AFAP1L1: variants seen among roughly 807,000 people sequenced by gnomAD.
The protein encoded by AFAP1L1 is actin filament-associated protein 1-like 1.
In AFAP1L1, 77 loss-of-function variants were observed where a neutral mutation model predicts 99.8. The observed-to-expected ratio is 0.77, with a 90% CI of 0.64 to 0.93. The LOEUF (loss-of-function observed/expected upper bound fraction) is 0.93. Ranked by LOEUF, AFAP1L1 falls within the 40% of genes least tolerant of loss-of-function variation. The probability of loss-of-function intolerance (pLI) is 0.00; values close to 1 mark genes in which losing one functional copy is unlikely to be tolerated. For missense variants in AFAP1L1, 893 were observed against 996.8 expected (o/e 0.90, Z 1.40); for synonymous variants, 373 against 395.3 (o/e 0.94, Z 0.67).
chr5:149,317,374 T>A (rs557282875), intron 11 of AFAP1L1, among the ~76,000 whole-genome samples: 1 of 152,348 alleles, frequency 6.6e-6, no homozygotes, highest in East Asian at 1.9e-4. Flanking sequence ...ATGCTGCCAC[T>A]GGGTGTCAGC....
intron 6 of AFAP1L1, among the ~76,000 whole-genome samples, chr5:149,306,721 G>T (rs780835501): frequency 4.6e-5 from 7 of 152,176 alleles, no homozygotes; most frequent in Non-Finnish European, 1.0e-4. Context: ...TGAAAATAAC[G>T]AGAGACAACA....
At chr5:149,277,640 C>A (rs548929577) in intron 1 of AFAP1L1, among the ~76,000 whole-genome samples, 5 of 152,344 alleles carry the variant, frequency 3.3e-5, no homozygotes, top group Non-Finnish European at 7.3e-5. Context: ...AAACATATGT[C>A]ATGGGTCATC....
chr5:149,291,343 A>G (rs1410524850), intron 1 of AFAP1L1, among the ~76,000 whole-genome samples: 3 of 151,880 alleles, frequency 2.0e-5, no homozygotes, highest in African/African-American at 7.3e-5. Flanking sequence ...CCTGGCCAAC[A>G]TGGTGAAACC....
At position 149,299,609 on chromosome 5, in the gene AFAP1L1, C is replaced by T. The variant is rs112406165; in HGVS notation, c.117C>T (p.Ser39=). The T allele has an allele frequency of 2.5e-6, 4 of 1,614,194 alleles. No homozygotes were observed. The African/African-American group carries it at 4.0e-5, about 16-fold the overall frequency. ...TGGAAAAGAAGATGGCCGTGGCCTCCATCCTGCAGAGCCTGCAGCCCCTTC... is the reference window on the plus strand; with the variant it reads ...TGGAAAAGAAGATGGCCGTGGCCTCTATCCTGCAGAGCCTGCAGCCCCTTC... ...TTLEKKMAVA[S]ILQSLQPLPA... Residue 39 remains serine, a synonymous_variant, in exon 2 of 19, where the codon TCC becomes TCT. Transcript: ENST00000296721.
chr5:149,333,871 T>A lies in AFAP1L1; in HGVS notation c.2154+998T>A, dbSNP rs536561565. Among the ~76,000 whole-genome samples the A allele has an allele frequency of 7.9e-5, 12 of 152,292 alleles. No individual in the cohort carries two copies. In the South Asian group the frequency reaches 2.3e-3, roughly 29 times the overall value. ...TCTAAATTACCAACAGCTGCCTCTATTATTCTTCCTCATAGCACTTAACCA... is the reference window on the plus strand; with the variant it reads ...TCTAAATTACCAACAGCTGCCTCTAATATTCTTCCTCATAGCACTTAACCA... On this transcript the variant is annotated intron_variant, in intron 17 of 18. Transcript: ENST00000296721.
At chr5:149,296,512 C>T (rs550955135) in intron 1 of AFAP1L1, among the ~76,000 whole-genome samples, 1 of 152,200 alleles carries the variant, frequency 6.6e-6, no homozygotes, top group Non-Finnish European at 1.5e-5. Flanking sequence ...CCCAGGCCAC[C>T]TGTGGCTGCC....
At chr5:149,301,792 G>T (rs1327648518) in intron 4 of AFAP1L1, among the ~76,000 whole-genome samples, 1 of 152,236 alleles carries the variant, frequency 6.6e-6, no homozygotes, top group Non-Finnish European at 1.5e-5. Flanking sequence ...TCTGTCAACT[G>T]CATAATTCAT....
intron 1 of AFAP1L1, among the ~76,000 whole-genome samples, chr5:149,273,886 C>G (rs550057235): frequency 6.6e-4 from 101 of 152,192 alleles, no homozygotes; most frequent in African/African-American, 2.4e-3. Context: ...TAGGCCTACC[C>G]AGGCCTGTGG....
rs1757289349 is a variant in AFAP1L1 at position 149,332,703 on chromosome 5, T to C, written c.1984T>C (p.Leu662=). ...AATGTCTCTTGATTCAGGAGCAAAA[T>C]TAAAGGCTCTGGAAGAAGCCGTGGC... is the stretch of plus-strand genomic sequence containing the variant. ...EAIRSSPGAK[L]KALEEAVATL... is the part of the protein sequence containing the mutation. Residue 662 remains leucine, a synonymous_variant, in exon 17 of 19, where the codon TTA becomes CTA. Coordinates refer to ENST00000296721, the MANE Select transcript of AFAP1L1 (RefSeq NM_152406.4). The C allele has an allele frequency of 6.2e-7, 1 of 1,609,272 alleles. No individual in the cohort carries two copies. The highest frequency in any genetic ancestry group is 8.5e-7 in the Non-Finnish European group (1 of 1,178,834).
At chr5:149,281,143 G>GT (rs1446953765) in intron 1 of AFAP1L1, among the ~76,000 whole-genome samples, 1 of 152,172 alleles carries the variant, frequency 6.6e-6, no homozygotes, top group African/African-American at 2.4e-5. Context: ...GTCATTCACG[G>GT]TGGGGGGGTT....
intron 8 of AFAP1L1, among the ~76,000 whole-genome samples, chr5:149,311,856 C>A (rs1756639212): frequency 6.6e-6 from 1 of 152,200 alleles, no homozygotes; most frequent in African/African-American, 2.4e-5. Flanking sequence ...AGTGGCTCTT[C>A]CAAGACCACA....
chr5:149,340,755 G>A lies in AFAP1L1; in HGVS notation c.*725G>A, dbSNP rs924639141. ...AAGCTCACAGTGATACTCAGTGACAGGAGCACAGAGCTCTAATGTCCACAG... is the reference window on the plus strand; with the variant it reads ...AAGCTCACAGTGATACTCAGTGACAAGAGCACAGAGCTCTAATGTCCACAG... On this transcript the variant is annotated 3_prime_UTR_variant, in exon 19 of 19. Coordinates refer to ENST00000296721, the MANE Select transcript of AFAP1L1 (RefSeq NM_152406.4). The A allele has an allele frequency of 4.6e-5, 7 of 152,216 alleles. No individual in the cohort carries two copies. Among genetic ancestry groups the A allele is most frequent in the Admixed American group, 1.3e-4 (2 of 15,276 alleles). The allele number at this position is 152,216 out of a possible 1,614,324, so 9.4% of individuals were successfully genotyped here. A position where few individuals can be genotyped will look rare whatever the true frequency, so the allele number is the denominator to read the frequency against.
chr5:149,318,966 AT>A (rs1221321758), intron 12 of AFAP1L1, among the ~76,000 whole-genome samples: 6 of 152,116 alleles, frequency 3.9e-5, no homozygotes, highest in Non-Finnish European at 7.4e-5. Flanking sequence ...ACTCACTTTT[AT>A]TTTTGGTAGT....
At chr5:149,299,476 G>A in intron 1 of AFAP1L1, 33 bp from the exon 2 acceptor site, 1 of 1,612,694 alleles carries the variant, frequency 6.2e-7, no homozygotes, top group Non-Finnish European at 8.5e-7. Flanking sequence ...TGACTGTGCA[G>A]CTGTGACTGT....
chr5:149,281,364 T>C (rs1330185960), intron 1 of AFAP1L1, among the ~76,000 whole-genome samples: 1 of 152,080 alleles, frequency 6.6e-6, no homozygotes, highest in African/African-American at 2.4e-5. Context: ...ACTCTGCTCT[T>C]CCCCCTTCCT....
rs1581339027 is a variant in AFAP1L1, at chr5:149,327,052, A to C, written c.1811-2614A>C. On this transcript the variant is annotated intron_variant, in intron 15 of 18. Transcript: ENST00000296721. ...AGTTTTCAACAAAAATTTATGACAC[A>C]CATGAAGAAGCAGGAAAATGTGACC... Among the ~76,000 whole-genome samples the C allele has an allele frequency of 1.3e-5, 2 of 152,236 alleles. 1 individual carries two copies. Among genetic ancestry groups the C allele is most frequent in the East Asian group, 3.9e-4 (2 of 5,184 alleles).
At chr5:149,307,094 A>G (rs1241919663) in intron 6 of AFAP1L1, among the ~76,000 whole-genome samples, 1 of 152,062 alleles carries the variant, frequency 6.6e-6, no homozygotes, top group African/African-American at 2.4e-5. Flanking sequence ...TAAAAATACA[A>G]AAATTATCCA....
chr5:149,282,145 T>C (rs1303869148), intron 1 of AFAP1L1, among the ~76,000 whole-genome samples: 2 of 152,114 alleles, frequency 1.3e-5, no homozygotes, highest in African/African-American at 4.8e-5. Flanking sequence ...GCGTGATTCT[T>C]CTCCCTGGCA....
At chr5:149,314,570 C>G (rs767622596) in intron 9 of AFAP1L1, among the ~76,000 whole-genome samples, 9 of 152,210 alleles carry the variant, frequency 5.9e-5, no homozygotes, top group Non-Finnish European at 1.3e-4. Context: ...TGATGAAAAA[C>G]TTACCATCTG....
Sources: gnomAD v4.1 joint callset for allele counts (sites outside exome capture counted in the v4.1 genomes callset) on GRCh38, gnomAD v4.1.1 for gene constraint, MANE v1.5 for transcripts, NCBI Gene and HGNC (gene_info 2026-07-23, HGNC 2026-07-21) for gene names.